Variants in COL23A1 observed in about 807,000 individuals in gnomAD.
The protein encoded by COL23A1 is collagen alpha-1(XXIII) chain.
COL23A1 carries 97 observed loss-of-function variants against 99.3 expected under a neutral mutation model. The observed-to-expected ratio is 0.98, with a 90% CI of 0.83 to 1.16. The LOEUF (loss-of-function observed/expected upper bound fraction) is 1.16. Ranked by LOEUF, COL23A1 falls within the 50% of genes most tolerant of loss-of-function variation. The pLI is 0.00. For synonymous variants in COL23A1, 320 were observed against 308.2 expected, an observed-to-expected ratio of 1.04 and a Z score of -0.40; for missense variants, 762 against 757.4, an observed-to-expected ratio of 1.01 and a Z score of -0.07.
intron 2 of COL23A1, among the ~76,000 whole-genome samples, chr5:178,501,528 T>C (rs1041360316): frequency 2.0e-5 from 3 of 151,930 alleles, no homozygotes; most frequent in African/African-American, 4.8e-5. Context: ...GTGAGCCAGA[T>C]TGTGCCACTG....
chr5:178,530,564 C>T (rs1760589460), intron 2 of COL23A1, among the ~76,000 whole-genome samples: 1 of 152,208 alleles, frequency 6.6e-6, no homozygotes, highest in Admixed American at 6.5e-5. Context: ...TGCATGGCTT[C>T]CCGGGCCACT....
intron 2 of COL23A1, among the ~76,000 whole-genome samples, chr5:178,480,370 A>G (rs686282): frequency 0.69 from 105,208 of 151,876 alleles, 36,786 homozygotes; most frequent in East Asian, 0.95. Context: ...GAGTCTTCAC[A>G]GTTTCCCTCC....
At chr5:178,466,917 C>A (rs1420300420) in intron 2 of COL23A1, among the ~76,000 whole-genome samples, 1 of 152,212 alleles carries the variant, frequency 6.6e-6, no homozygotes, top group East Asian at 1.9e-4. Flanking sequence ...CCTAGCCTAG[C>A]TGTGTGACTG....
chr5:178,551,968 T>TC (rs1226644678), intron 2 of COL23A1, among the ~76,000 whole-genome samples: 4 of 151,950 alleles, frequency 2.6e-5, no homozygotes, highest in Non-Finnish European at 5.9e-5. Context: ...TGCTCGGAGC[T>TC]CCCCTCTGCC....
chr5:178,494,308 G>A (rs1349257189), intron 2 of COL23A1, among the ~76,000 whole-genome samples: 1 of 152,212 alleles, frequency 6.6e-6, no homozygotes, highest in Non-Finnish European at 1.5e-5. Context: ...CCCTTCCTAG[G>A]AGAGATGGGA....
chr5:178,410,807 G>T (rs1461676792), intron 2 of COL23A1, among the ~76,000 whole-genome samples: 1 of 152,056 alleles, frequency 6.6e-6, no homozygotes, highest in African/African-American at 2.4e-5. Context: ...GTGTGTTAAA[G>T]GACATTATCA....
intron 3 of COL23A1, among the ~76,000 whole-genome samples, chr5:178,305,294 C>A (rs529288761): frequency 7.9e-6 from 1 of 125,988 alleles, no homozygotes; most frequent in Admixed American, 8.1e-5. Context: ...AGGGTCTCTG[C>A]GTAAGGAACT....
At chr5:178,240,964 G>C (rs1764363729) in intron 27 of COL23A1, among the ~76,000 whole-genome samples, 1 of 152,180 alleles carries the variant, frequency 6.6e-6, no homozygotes, top group Non-Finnish European at 1.5e-5. Flanking sequence ...AACTAGGCAG[G>C]GCACAGTGGC....
rs139009104 is a variant in COL23A1, at chr5:178,365,517, A to G, written c.362-58598T>C. On this transcript the variant is annotated intron_variant, in intron 2 of 28. Coordinates refer to ENST00000390654, the MANE Select transcript of COL23A1 (RefSeq NM_173465.4). This position sits in a 1 kb window ranked among gnomAD's most constrained non-coding sequence, Gnocchi z 5.2. The stretch of plus-strand genomic sequence containing the variant: ...CCCTCTTTCTTCTGATGTCGACAGG[A>G]TCAAGCACAAGCCTCCTTGGCAGGG... Among the ~76,000 whole-genome samples, 1 of 152,068 alleles carries G rather than the reference A, an allele frequency of 6.6e-6. No individual in the cohort carries two copies. Among genetic ancestry groups the G allele is most frequent in the Non-Finnish European group, 1.5e-5 (1 of 67,988 alleles).
At position 178,387,504 on chromosome 5, in the gene COL23A1, G is replaced by A. The variant is rs1041003581; in HGVS notation, c.362-80585C>T. The stretch of plus-strand genomic sequence containing the variant: ...GCACCCCTGCCCATGAGCTCTCCTG[G>A]CAGGGTCGGGAACTGCCTGCTGCAT... On this transcript the variant is annotated intron_variant, in intron 2 of 28. Transcript: ENST00000390654. This position sits in a 1 kb window ranked among gnomAD's most constrained non-coding sequence, Gnocchi z 4.7. 1.3e-5 allele frequency among the ~76,000 whole-genome samples: 2 copies of A among 152,112 alleles called. No individual in the cohort carries two copies. Among genetic ancestry groups the A allele is most frequent in the Admixed American group, 1.3e-4 (2 of 15,278 alleles).
chr5:178,515,418 C>A (rs565217137), intron 2 of COL23A1, among the ~76,000 whole-genome samples: 2 of 152,192 alleles, frequency 1.3e-5, no homozygotes, highest in African/African-American at 4.8e-5. Context: ...GAGGTTTCCA[C>A]GGGGTGGAAG....
intron 2 of COL23A1, among the ~76,000 whole-genome samples, chr5:178,537,315 G>T (rs1322575162): frequency 1.3e-5 from 2 of 152,234 alleles, no homozygotes; most frequent in Non-Finnish European, 2.9e-5. Flanking sequence ...GAGGCCCGGG[G>T]TCGTATTCAG....
intron 2 of COL23A1, among the ~76,000 whole-genome samples, chr5:178,411,867 A>G (rs11746864): frequency 0.42 from 64,215 of 152,154 alleles, 13,913 homozygotes; most frequent in East Asian, 0.7. Context: ...TTGGTAGAAC[A>G]TTTAAAGTTT....
Position 178,589,363 on chromosome 5 carries a change from G to C in COL23A1, c.294+541C>G, listed in dbSNP as rs1254293280. ...ACCCCCATCCCCGAGGCCTCAGTGC[G>C]ACGGTGACCGCTCAGTCTTGGGGCC... On this transcript the variant is annotated intron_variant, in intron 1 of 28. Transcript: ENST00000390654. The surrounding 1 kb of genome is among the most constrained non-coding windows in gnomAD (Gnocchi z 5.4). 6.6e-6 allele frequency among the ~76,000 whole-genome samples: 1 copy of C among 152,012 alleles called. No individual in the cohort carries two copies. Among genetic ancestry groups the C allele is most frequent in the African/African-American group, 2.4e-5 (1 of 41,382 alleles).
At chr5:178,361,588 C>T (rs1206166337) in intron 2 of COL23A1, among the ~76,000 whole-genome samples, 4 of 152,090 alleles carry the variant, frequency 2.6e-5, no homozygotes, top group Admixed American at 2.6e-4. Flanking sequence ...GGCCTTGTCT[C>T]CATCATACAC....
Position 178,265,586 on chromosome 5 carries a change from G to A in COL23A1, c.522+1721C>T, listed in dbSNP as rs748371632. On this transcript the variant is annotated intron_variant, in intron 8 of 28. Transcript: ENST00000390654. ...GATTGGATGGCTGAGGTCTAACCCT[G>A]CAAACGTGGGGTGAGTTGGGGGTAA... 5.1e-6 allele frequency: 4 copies of A among 784,128 alleles called. No homozygotes were observed. In the South Asian group the frequency reaches 2.3e-4, roughly 45 times the overall value. The allele number at this position is 784,128 out of a possible 1,614,324, so 48.6% of individuals were successfully genotyped here. A position where few individuals can be genotyped will look rare whatever the true frequency, so the allele number is the denominator to read the frequency against.
chr5:178,570,285 C>A (rs538845881), intron 1 of COL23A1, among the ~76,000 whole-genome samples: 2 of 151,966 alleles, frequency 1.3e-5, no homozygotes, highest in Non-Finnish European at 2.9e-5. Context: ...ATTTTTCTAT[C>A]TTTTGTAGAG....
At chr5:178,519,328 A>G (rs1759814736) in intron 2 of COL23A1, among the ~76,000 whole-genome samples, 1 of 152,240 alleles carries the variant, frequency 6.6e-6, no homozygotes, top group African/African-American at 2.4e-5. Flanking sequence ...CATAAAGCCA[A>G]TGGCTGCTGC....
At chr5:178,562,562 A>G (rs1227598064) in intron 1 of COL23A1, 1 of 133,994 alleles carries the variant, frequency 7.5e-6, no homozygotes, top group African/African-American at 2.9e-5. Context: ...CAAATAAAAA[A>G]AGAAAAAAAA....
Sources: allele counts gnomAD v4.1 joint callset (sites outside exome capture counted in the v4.1 genomes callset), GRCh38; gene constraint gnomAD v4.1.1; non-coding constraint Gnocchi (gnomAD v3.1); transcripts MANE v1.5; gene names NCBI Gene and HGNC (gene_info 2026-07-23, HGNC 2026-07-21).